The following LAMA4 variants were observed in gnomAD, a reference collection of about 807,000 sequenced individuals.
The protein encoded by LAMA4 is laminin subunit alpha-4.
A neutral mutation model predicts 207.1 loss-of-function variants in LAMA4; 127 were observed. The ratio of observed to expected loss-of-function variants is 0.61; its 90% CI spans 0.53 to 0.71. LAMA4 has a LOEUF of 0.71. Among genes scored for constraint, LAMA4 ranks in the 30% least tolerant of loss-of-function variants. The pLI is 0.00. For missense variants in LAMA4, 2,093 were observed against 2,246.5 expected (o/e 0.93, Z 1.38); for synonymous variants, 761 against 816.0 (o/e 0.93, Z 1.15).
chr6:112,201,160 G>A (rs112912795), intron 5 of LAMA4, among the ~76,000 whole-genome samples: 6 of 152,122 alleles, frequency 3.9e-5, no homozygotes, highest in East Asian at 1.9e-4. Flanking sequence ...AAGAATGGGC[G>A]AAATAACAGC....
chr6:112,235,665 T>C (rs567465892), intron 2 of LAMA4, among the ~76,000 whole-genome samples: 2 of 152,362 alleles, frequency 1.3e-5, no homozygotes, highest in East Asian at 1.9e-4. Context: ...AATGTTATTG[T>C]TCATTTTTGA....
intron 31 of LAMA4, among the ~76,000 whole-genome samples, chr6:112,127,380 T>C (rs1446656533): frequency 6.6e-6 from 1 of 151,668 alleles, no homozygotes; most frequent in African/African-American, 2.4e-5. Flanking sequence ...TGAACAATTG[T>C]AGAAGGAGGA....
At chr6:112,217,698 C>T (rs375517294) in intron 2 of LAMA4, 1 of 151,858 alleles carries the variant, frequency 6.6e-6, no homozygotes, top group Non-Finnish European at 1.5e-5. Context: ...TAAAGAATAA[C>T]AACATTTGTC....
Position 112,139,175 on chromosome 6 carries a change from T to C in LAMA4, c.3227A>G (p.Asp1076Gly), listed in dbSNP as rs1779531253. 6.2e-7 allele frequency: 1 copy of C among 1,614,154 alleles called. No individual in the cohort carries two copies. The highest frequency in any genetic ancestry group is 2.2e-5 in the East Asian group (1 of 44,874). The change falls in exon 24 of 39, where the codon GAC becomes GGC. Residue 1076 changes from aspartate (D) to glycine (G), a missense_variant. By Grantham distance (94) the Asp-to-Gly change is moderately conservative. This residue lies in a region of LAMA4 where 1,704 missense variants were observed against 1,788.4 expected (regional missense o/e 0.95). Transcript: ENST00000230538. ...GTCAGCTGGTGTTCGAACTTCTATG[T>C]CAAAGCGAGTCACCTGACCAAATTT... ...RGKFGQVTRF[D>G]IEVRTPADNG...
intron 29 of LAMA4, 23 bp downstream of exon 29, chr6:112,130,945 G>C (rs372539565): frequency 1.2e-6 from 2 of 1,610,782 alleles, no homozygotes; most frequent in African/African-American, 1.3e-5. Context: ...ATGGTGGAAA[G>C]AATATGAAGT....
intron 38 of LAMA4, among the ~76,000 whole-genome samples, chr6:112,112,332 A>G (rs892917454): frequency 6.6e-6 from 1 of 152,224 alleles, no homozygotes; most frequent in South Asian, 2.1e-4. Flanking sequence ...GGCCCGGAGC[A>G]AAGATACCAT....
intron 2 of LAMA4, among the ~76,000 whole-genome samples, chr6:112,242,631 C>A (rs111540315): frequency 6.6e-6 from 1 of 152,160 alleles, no homozygotes; most frequent in East Asian, 1.9e-4. Flanking sequence ...CATCTTTGGA[C>A]CACACTTTCA....
chr6:112,136,764 T>C (rs1779379062), intron 24 of LAMA4, among the ~76,000 whole-genome samples: 3 of 151,954 alleles, frequency 2.0e-5, no homozygotes. Flanking sequence ...TAAAAGTTAA[T>C]ATTTATACAC....
chr6:112,110,008 A>AT (rs1554321118), intron 38 of LAMA4, among the ~76,000 whole-genome samples: 1 of 152,234 alleles, frequency 6.6e-6, no homozygotes, highest in East Asian at 1.9e-4. Flanking sequence ...TTTCTGTTTA[A>AT]TTCATTACCC....
chr6:112,213,945 A>C (rs1045990020), intron 3 of LAMA4: 3 of 654,466 alleles, frequency 4.6e-6, no homozygotes, highest in Non-Finnish European at 8.5e-6. Context: ...ACTGACTGAA[A>C]CACTGGTCAT....
In LAMA4 at chr6:112,114,198, GA is replaced by G. The variant is rs1777874907; in HGVS notation, c.5207-4del. 2.5e-6 allele frequency: 4 copies of G among 1,613,698 alleles called. No homozygotes were observed. The highest frequency in any genetic ancestry group is 3.4e-6 in the Non-Finnish European group (4 of 1,179,702). ...AACCACATTAGAATCTCTAATAACT[GA>G]AATGCAGGGCAAAGACTGGTCATAA... On this transcript the variant is annotated splice_polypyrimidine_tract_variant and splice_region_variant and intron_variant, in intron 37 of 38. Coordinates refer to ENST00000230538, the MANE Select transcript of LAMA4 (RefSeq NM_001105206.3).
chr6:112,218,531 T>C (rs1167834595), intron 2 of LAMA4: 2 of 152,184 alleles, frequency 1.3e-5, no homozygotes, highest in Non-Finnish European at 1.5e-5. Flanking sequence ...GCCCACAGAA[T>C]ATACTGATAA....
chr6:112,253,777 C>T, intron 2 of LAMA4, 179 bp downstream of exon 2: 1 of 1,614,150 alleles, frequency 6.2e-7, no homozygotes, highest in Non-Finnish European at 8.5e-7. Context: ...CTCTCAACAT[C>T]CAAATGCAAC....
chr6:112,129,920 C>T lies in LAMA4; in HGVS notation c.4089G>A (p.Gln1363=), dbSNP rs1554329024. Residue 1363 remains glutamine, a synonymous_variant, in exon 30 of 39, where the codon CAG becomes CAA. Coordinates refer to ENST00000230538, the MANE Select transcript of LAMA4 (RefSeq NM_001105206.3). ...TTATGCAGCCAGTGAAATTAGCATACTGAGCACTGATTGGTGAGCCACCGA... is the reference window on the plus strand; with the variant it reads ...TTATGCAGCCAGTGAAATTAGCATATTGAGCACTGATTGGTGAGCCACCGA... ...FYFGGSPISA[Q]YANFTGCISN... The T allele has an allele frequency of 1.2e-6, 2 of 1,612,424 alleles. No homozygotes were observed. Among genetic ancestry groups the T allele is most frequent in the East Asian group, 4.5e-5 (2 of 44,782 alleles).
intron 14 of LAMA4, chr6:112,158,437 C>G (rs1240917118): frequency 5.2e-6 from 2 of 388,290 alleles, no homozygotes; most frequent in Non-Finnish European, 9.5e-6. Flanking sequence ...AGACACCCCC[C>G]TCTTCCCGGA....
chr6:112,176,958 G>GT (rs1583804582), intron 10 of LAMA4, among the ~76,000 whole-genome samples: 1 of 152,304 alleles, frequency 6.6e-6, no homozygotes, highest in East Asian at 1.9e-4. Context: ...CAAAACATGG[G>GT]TTATAATAGC....
intron 2 of LAMA4, among the ~76,000 whole-genome samples, chr6:112,227,365 C>A (rs567530901): frequency 1.3e-5 from 2 of 152,052 alleles, no homozygotes; most frequent in Middle Eastern, 3.4e-3. Context: ...CACCGTGCCC[C>A]GCCTGACTAT....
intron 2 of LAMA4, chr6:112,219,040 T>A (rs1784787095): frequency 6.6e-6 from 1 of 152,228 alleles, no homozygotes; most frequent in Admixed American, 6.5e-5. Context: ...AGTTTGAGTG[T>A]ACTGAAGGAT....
chr6:112,218,762 TGTGGGAGATGGGAA>T (rs1562746808), intron 2 of LAMA4: 1 of 152,208 alleles, frequency 6.6e-6, no homozygotes, highest in African/African-American at 2.4e-5. Context: ...TCTCTTATAA[TGTGGGAGATGGGAA>T]GAAAAGGGAG....
Sources: gnomAD v4.1 joint callset for allele counts (sites outside exome capture counted in the v4.1 genomes callset) on GRCh38, gnomAD v4.1.1 for gene constraint, gnomAD v4.1.1 regional missense constraint, MANE v1.5 for transcripts, NCBI Gene and HGNC (gene_info 2026-07-23, HGNC 2026-07-21) for gene names.